Variants in SLC7A8 observed in about 807,000 individuals in gnomAD.
SLC7A8 encodes the protein solute carrier family 7 member 8, also known as large neutral amino acids transporter small subunit 2.
SLC7A8 carries 30 observed loss-of-function variants against 51.2 expected under a neutral mutation model. The observed-to-expected ratio is 0.59, with a 90% CI of 0.44 to 0.80. The LOEUF is 0.80. Among genes scored for constraint, SLC7A8 ranks in the 30% least tolerant of loss-of-function variants. SLC7A8 has a pLI of 0.00. For synonymous variants in SLC7A8, 257 were observed against 275.8 expected (o/e 0.93, Z 0.67); for missense variants, 612 against 674.4 (o/e 0.91, Z 1.03).
At chr14:23,135,740 T>C (rs1428738231) in intron 7 of SLC7A8, among the ~76,000 whole-genome samples, 2 of 152,084 alleles carry the variant, frequency 1.3e-5, no homozygotes, top group African/African-American at 4.8e-5. Context: ...AATTTGAATG[T>C]TCCTAGCATA....
rs576283454 is a variant in SLC7A8 at position 23,169,543 on chromosome 14, A to G, written c.152-3003T>C. On this transcript the variant is annotated intron_variant, in intron 1 of 10. Coordinates refer to ENST00000316902, the MANE Select transcript of SLC7A8 (RefSeq NM_012244.4). ...TGCCTCAACCTCCCCAGTAGCTGGG[A>G]TTACAGGTGTATGCCACCACACCTG... 9.9e-4 allele frequency among the ~76,000 whole-genome samples: 150 copies of G among 152,140 alleles called. 1 individual carries two copies. Among genetic ancestry groups the G allele is most frequent in the African/African-American group, 3.2e-3 (133 of 41,486 alleles).
At chr14:23,147,288 C>A (rs1225949945) in intron 3 of SLC7A8, among the ~76,000 whole-genome samples, 3 of 152,202 alleles carry the variant, frequency 2.0e-5, no homozygotes, top group Admixed American at 2.0e-4. Context: ...CCTACATGTA[C>A]TAGGCATTCT....
chr14:23,160,558 G>A (rs1391496657), intron 3 of SLC7A8, among the ~76,000 whole-genome samples: 2 of 133,172 alleles, frequency 1.5e-5, no homozygotes, highest in African/African-American at 5.5e-5. Context: ...GTGACGGAGG[G>A]AGACTCCGTC....
At chr14:23,154,316 ACTCC>A in intron 3 of SLC7A8, 1 of 999,238 alleles carries the variant, frequency 1.0e-6, no homozygotes, top group Non-Finnish European at 1.2e-6. Context: ...GCTCCCACAG[ACTCC>A]CTCCCCTCCA....
intron 7 of SLC7A8, among the ~76,000 whole-genome samples, chr14:23,135,272 G>A (rs2048678567): frequency 6.6e-6 from 1 of 151,596 alleles, no homozygotes; most frequent in Non-Finnish European, 1.5e-5. Flanking sequence ...ATTTTTTTTA[G>A]TAGAGGTGGG....
chr14:23,167,639 T>C (rs963050835), intron 1 of SLC7A8, among the ~76,000 whole-genome samples: 1 of 152,216 alleles, frequency 6.6e-6, no homozygotes, highest in South Asian at 2.1e-4. Flanking sequence ...TGTCCACTTC[T>C]TGTGGTAAAA....
At chr14:23,130,861 T>C (rs867794403) in intron 8 of SLC7A8, among the ~76,000 whole-genome samples, 1 of 152,230 alleles carries the variant, frequency 6.6e-6, no homozygotes, top group African/African-American at 2.4e-5. Flanking sequence ...GGGACAAGTC[T>C]TTGTTCCTTC....
intron 7 of SLC7A8, among the ~76,000 whole-genome samples, chr14:23,132,046 C>T (rs992446350): frequency 2.7e-5 from 4 of 148,642 alleles, no homozygotes; most frequent in Admixed American, 1.3e-4. Flanking sequence ...ACTCTGTCGC[C>T]CAGGCTGGAG....
intron 7 of SLC7A8, among the ~76,000 whole-genome samples, chr14:23,133,866 G>GA (rs564919349): frequency 2.0e-5 from 3 of 151,770 alleles, no homozygotes; most frequent in African/African-American, 7.2e-5. Context: ...TAATGTTTTT[G>GA]AAAAAATTTG....
chr14:23,155,040 A>C (rs895877140), intron 3 of SLC7A8: 1 of 742,110 alleles, frequency 1.3e-6, no homozygotes, highest in African/African-American at 1.8e-5. Flanking sequence ...CCTTCCTCAT[A>C]AACTGCGCTT....
Position 23,139,517 on chromosome 14 carries a change from G to A in SLC7A8, c.819C>T (p.Ile273=), listed in dbSNP as rs369066077. The A allele has an allele frequency of 6.2e-7, 1 of 1,613,980 alleles. No individual in the cohort carries two copies. The highest frequency in any genetic ancestry group is 8.5e-7 in the Non-Finnish European group (1 of 1,179,984). The change falls in exon 6 of 11, where the codon ATC becomes ATT. Residue 273 remains isoleucine, a synonymous_variant. Transcript: ENST00000316902. ...KNLPRAIFIS[I]PLVTFVYVFA... ...AGACATACACAAATGTGACCAGTGG[G>A]ATGGAGATGAAGATGGCTCTGGGAA...
At chr14:23,172,929 T>G (rs1297886920) in intron 1 of SLC7A8, among the ~76,000 whole-genome samples, 1 of 152,064 alleles carries the variant, frequency 6.6e-6, no homozygotes, top group East Asian at 1.9e-4. Flanking sequence ...TTTTTAAAGC[T>G]AAGCCCAAAA....
At chr14:23,129,112 T>C (rs1200744294) in intron 9 of SLC7A8, 1 of 157,336 alleles carries the variant, frequency 6.4e-6, no homozygotes, top group Non-Finnish European at 1.4e-5. Flanking sequence ...CTTGTAGCAA[T>C]ATTAGGTTCA....
intron 3 of SLC7A8, among the ~76,000 whole-genome samples, chr14:23,147,966 T>A (rs1166609599): frequency 6.6e-6 from 1 of 152,180 alleles, no homozygotes; most frequent in Non-Finnish European, 1.5e-5. Flanking sequence ...GACCTGCAAC[T>A]GGCTTGCTCA....
chr14:23,154,476 G>C (rs774074849), intron 3 of SLC7A8: 1 of 986,054 alleles, frequency 1.0e-6, no homozygotes, highest in Non-Finnish European at 1.2e-6. Context: ...TGGCTGCACC[G>C]AGTTCCTTGG....
chr14:23,162,928 G>C (rs754565664), intron 3 of SLC7A8, among the ~76,000 whole-genome samples: 26 of 152,214 alleles, frequency 1.7e-4, no homozygotes, highest in Non-Finnish European at 1.0e-4. Context: ...TCTTGTCTGA[G>C]ACACTTTAGC....
chr14:23,171,227 G>A (rs575077182), intron 1 of SLC7A8, among the ~76,000 whole-genome samples: 14 of 152,218 alleles, frequency 9.2e-5, no homozygotes, highest in East Asian at 5.8e-4. Flanking sequence ...ATCTTATCAC[G>A]CAGATCTTCT....
At chr14:23,140,979 A>G (rs1293434635) in intron 4 of SLC7A8, among the ~76,000 whole-genome samples, 1 of 152,172 alleles carries the variant, frequency 6.6e-6, no homozygotes, top group African/African-American at 2.4e-5. Context: ...AAGTTTCTAC[A>G]TTTTCATGAA....
At chr14:23,135,518 T>A (rs890526695) in intron 7 of SLC7A8, among the ~76,000 whole-genome samples, 2 of 151,498 alleles carry the variant, frequency 1.3e-5, no homozygotes, top group Admixed American at 6.6e-5. Flanking sequence ...CTGGCTAACA[T>A]GGTGAAACCC....
Sources: gnomAD v4.1 joint callset for allele counts (sites outside exome capture counted in the v4.1 genomes callset) on GRCh38, gnomAD v4.1.1 for gene constraint, MANE v1.5 for transcripts, NCBI Gene and HGNC (gene_info 2026-07-23, HGNC 2026-07-21) for gene names.